Variants in FKBP8 observed in about 807,000 individuals in gnomAD.
FKBP8 encodes FKBP prolyl isomerase 8.
In FKBP8, 5 loss-of-function variants were observed where a neutral mutation model predicts 41.7. The ratio of observed to expected loss-of-function variants is 0.12; its 90% CI spans 0.06 to 0.25. FKBP8 has a LOEUF of 0.25. Ranked by LOEUF, FKBP8 falls within the 10% of genes least tolerant of loss-of-function variation. The pLI is 1.00. For missense variants in FKBP8, 397 were observed against 563.0 expected (o/e 0.71, Z 2.98); for synonymous variants, 279 against 254.5 (o/e 1.10, Z -0.92).
At position 18,539,473 on chromosome 19, in the gene FKBP8, G is replaced by A. The variant is rs1162087229; in HGVS notation, c.463-14C>T. On this transcript the variant is annotated splice_polypyrimidine_tract_variant and intron_variant, in intron 3 of 8. Coordinates refer to ENST00000608443, the MANE Select transcript of FKBP8 (RefSeq NM_012181.5). ...GAGATCCAGGGCCTGGGGTGTGTGGGGATAGCCAGCTGTCAGGCAGACTCA... is the reference window on the plus strand; with the variant it reads ...GAGATCCAGGGCCTGGGGTGTGTGGAGATAGCCAGCTGTCAGGCAGACTCA... 1.9e-6 allele frequency: 3 copies of A among 1,612,862 alleles called. No individual in the cohort carries two copies. Among genetic ancestry groups the A allele is most frequent in the South Asian group, 1.1e-5 (1 of 91,040 alleles).
intron 7 of FKBP8, 81 bp downstream of exon 7, chr19:18,533,189 C>T: frequency 6.8e-6 from 9 of 1,329,696 alleles, no homozygotes; most frequent in South Asian, 1.4e-5. Context: ...CAACAGAGAG[C>T]CACAGCAAGA....
rs1443382790 is a variant in FKBP8 at position 18,532,430 on chromosome 19, C to A, written c.1156-175G>T. 7.9e-6 allele frequency: 7 copies of A among 887,600 alleles called. No homozygotes were observed. In the East Asian group the frequency reaches 1.9e-4, roughly 24 times the overall value. 55.0% of individuals were successfully genotyped at this position (887,600 alleles called of 1,614,324 possible). On this transcript the variant is annotated intron_variant, in intron 8 of 8. Transcript: ENST00000608443. ...GCAAAACCCAAATCAAATGGCCCCT[C>A]CTCCAGGACACCGCCCCTCGTGCCC...
Position 18,539,635 on chromosome 19 carries a change from A to G in FKBP8, c.378T>C (p.His126=), listed in dbSNP as rs1402528932. 7 of 1,612,806 alleles carry G rather than the reference A, an allele frequency of 4.3e-6. No homozygotes were observed. Among genetic ancestry groups the G allele is most frequent in the Non-Finnish European group, 5.9e-6 (7 of 1,180,010 alleles). ...TGCCATTCTCCAGCGACGTCTGCAG[A>G]TGTACGGTGACCACCTGGCCCTTGA... ...RPVKGQVVTV[H]LQTSLENGTR... Residue 126 remains histidine, a synonymous_variant, in exon 3 of 9, where the codon CAT becomes CAC. Transcript: ENST00000608443.
chr19:18,537,535 AG>A lies in FKBP8; in HGVS notation c.945+65del. On this transcript the variant is annotated intron_variant, in intron 6 of 8. Coordinates refer to ENST00000608443, the MANE Select transcript of FKBP8 (RefSeq NM_012181.5). This position sits in a 1 kb window ranked among gnomAD's most constrained non-coding sequence, Gnocchi z 4.4. ...ATATACCTATGCCTTTCTCAAATGCAGGGTTGGGGACCACCCCGTATACCCC... is the reference window on the plus strand; with the variant it reads ...ATATACCTATGCCTTTCTCAAATGCAGGTTGGGGACCACCCCGTATACCCC... The A allele has an allele frequency of 6.9e-7, 1 of 1,439,096 alleles. No homozygotes were observed. Among genetic ancestry groups the A allele is most frequent in the South Asian group, 1.4e-5 (1 of 71,340 alleles). 89.1% of individuals were successfully genotyped at this position (1,439,096 alleles called of 1,614,324 possible).
chr19:18,539,393 A>G lies in FKBP8; in HGVS notation c.529T>C (p.Tyr177His). The G allele has an allele frequency of 6.2e-7, 1 of 1,613,406 alleles. No individual in the cohort carries two copies. Among genetic ancestry groups the G allele is most frequent in the Non-Finnish European group, 8.5e-7 (1 of 1,179,972 alleles). ...CACCTGCCTTGGGGGCCGTAGCAGT[A>G]CTTGGAGTCAGCAGTGACCATGGCC... ...ETAMVTADSK[Y>H]CYGPQGSRSP... Residue 177 changes from tyrosine to histidine, a missense_variant, in exon 4 of 9, where the codon TAC (tyrosine) becomes CAC (histidine). Tyr to His is a moderately conservative substitution (Grantham distance 83, BLOSUM62 2). Coordinates refer to ENST00000608443, the MANE Select transcript of FKBP8 (RefSeq NM_012181.5).
At position 18,539,584 on chromosome 19, in the gene FKBP8, C is replaced by T. The variant is rs1263284765; in HGVS notation, c.429G>A (p.Leu143=). Residue 143 remains leucine (L), a synonymous_variant, in exon 3 of 9, where the codon CTG becomes CTA. Coordinates refer to ENST00000608443, the MANE Select transcript of FKBP8 (RefSeq NM_012181.5). The part of the protein sequence containing the change: ...NGTRVQEEPE[L]VFTLGDCDVI... ...CGTCACAGTCACCCAGAGTGAACAC[C>T]AGCTCCGGCTCCTCCTGCACCCGTG... The T allele has an allele frequency of 4.3e-6, 7 of 1,613,160 alleles. No individual in the cohort carries two copies. Among genetic ancestry groups the T allele is most frequent in the Non-Finnish European group, 5.1e-6 (6 of 1,180,024 alleles).
At chr19:18,542,054 C>G in intron 1 of FKBP8, 59 bp from the exon 2 acceptor site, 1 of 1,540,422 alleles carries the variant, frequency 6.5e-7, no homozygotes. Flanking sequence ...AAAGTCTCCA[C>G]TGTACTGATT....
chr19:18,539,332 C>T, intron 4 of FKBP8, 39 bp downstream of exon 4: 1 of 1,568,422 alleles, frequency 6.4e-7, no homozygotes, highest in Non-Finnish European at 8.7e-7. Context: ...CCATCCCCCT[C>T]CTGAGACCTG....
At position 18,533,411 on chromosome 19, in the gene FKBP8, A is replaced by T. The variant is rs10420299; in HGVS notation, c.946-64T>A. 319 of 1,388,256 alleles carry T rather than the reference A, an allele frequency of 2.3e-4. 3 individuals carry two copies. The African/African-American group carries it at 3.9e-3, about 17-fold the overall frequency. The allele number at this position is 1,388,256 out of a possible 1,614,324, so 86.0% of individuals were successfully genotyped here. ...CCTGGGCCTGTCCTTCAAGAAATCC[A>T]GCCCAGGAGGTTGCAGTGAGCCAAG... On this transcript the variant is annotated intron_variant, in intron 6 of 8. Coordinates refer to ENST00000608443, the MANE Select transcript of FKBP8 (RefSeq NM_012181.5).
chr19:18,535,606 T>C (rs1976554672), intron 6 of FKBP8, among the ~76,000 whole-genome samples: 1 of 150,780 alleles, frequency 6.6e-6, no homozygotes, highest in African/African-American at 2.4e-5. Context: ...ACCCCGTCTA[T>C]ACTAAAAATA....
In FKBP8 at chr19:18,539,282, G is replaced by A. The variant is rs1319550183; in HGVS notation, c.551+89C>T. 7 of 1,170,506 alleles carry A rather than the reference G, an allele frequency of 6.0e-6. No homozygotes were observed. The African/African-American group carries it at 7.7e-5, about 13-fold the overall frequency. The allele number at this position is 1,170,506 out of a possible 1,614,324, so 72.5% of individuals were successfully genotyped here. A position where few individuals can be genotyped will look rare whatever the true frequency, so the allele number is the denominator to read the frequency against. On this transcript the variant is annotated intron_variant, in intron 4 of 8. Transcript: ENST00000608443. ...CCTCAGTTTCTTGTCTATAAAATGG[G>A]CAAGTAGATGGGGTGAGCCGAGGGG...
rs777928575 is a variant in FKBP8, at chr19:18,537,798, G to T, written c.773-25C>A. The T allele has an allele frequency of 6.3e-7, 1 of 1,585,148 alleles. No individual in the cohort carries two copies. Among genetic ancestry groups the T allele is most frequent in the South Asian group, 1.1e-5 (1 of 87,702 alleles). The stretch of plus-strand genomic sequence containing the variant: ...ACTATTGGGAGACAGTGCCCGCCAC[G>T]GCAGCCGTCACCATGCCACCAGACA... On this transcript the variant is annotated intron_variant, in intron 5 of 8. Coordinates refer to ENST00000608443, the MANE Select transcript of FKBP8 (RefSeq NM_012181.5). This position sits in a 1 kb window ranked among gnomAD's most constrained non-coding sequence, Gnocchi z 4.4.
In FKBP8 at chr19:18,532,753, C is replaced by T. The variant is rs1464064536; in HGVS notation, c.1066G>A (p.Ala356Thr). 4 of 1,614,024 alleles carry T rather than the reference C, an allele frequency of 2.5e-6. No individual in the cohort carries two copies. The highest frequency in any genetic ancestry group is 3.4e-6 in the Non-Finnish European group (4 of 1,180,056). ...AAGGCGGTCTCCGTGCTCCGCTGCGCCGCATGCTTCTTCACCAGCTTTGAG... is the reference window on the plus strand; with the variant it reads ...AAGGCGGTCTCCGTGCTCCGCTGCGTCGCATGCTTCTTCACCAGCTTTGAG... ...ELSKLVKKHA[A>T]QRSTETALYR... Residue 356 changes from alanine to threonine, a missense_variant, in exon 8 of 9, where the codon GCG becomes ACG. Transcript: ENST00000608443.
intron 1 of FKBP8, chr19:18,542,744 G>C (rs528701205): frequency 1.1e-4 from 48 of 420,122 alleles, no homozygotes; most frequent in African/African-American, 9.2e-4. Flanking sequence ...AGGAGTGGTC[G>C]AGGTCCCACC....
intron 3 of FKBP8, 37 bp downstream of exon 3, chr19:18,539,514 G>A (rs200669215): frequency 6.8e-6 from 11 of 1,610,544 alleles, no homozygotes; most frequent in East Asian, 2.2e-5. Context: ...AGCAAGGCAC[G>A]CCCCTCGCCC....
intron 2 of FKBP8, among the ~76,000 whole-genome samples, chr19:18,540,151 C>G (rs1046547090): frequency 1.3e-5 from 2 of 152,108 alleles, no homozygotes; most frequent in South Asian, 2.1e-4. Context: ...AACCAAAGCT[C>G]AGAGAGGACA....
In FKBP8 at chr19:18,531,912, C is replaced by G. The variant is rs540175404; in HGVS notation, c.*257G>C. 2 of 500,996 alleles carry G rather than the reference C, an allele frequency of 4.0e-6. No homozygotes were observed. Among genetic ancestry groups the G allele is most frequent in the African/African-American group, 3.9e-5 (2 of 50,738 alleles). The allele number at this position is 500,996 out of a possible 1,614,324, so 31.0% of individuals were successfully genotyped here. On this transcript the variant is annotated 3_prime_UTR_variant, in exon 9 of 9. Coordinates refer to ENST00000608443, the MANE Select transcript of FKBP8 (RefSeq NM_012181.5). ...GAGGAGAAACTGAGGCCAGCCCTGG[C>G]GGAGACCTAGCCCAGCGGGGTAAGG...
At chr19:18,532,465 C>T (rs1287118393) in intron 8 of FKBP8, 199 bp downstream of exon 8, 3 of 964,706 alleles carry the variant, frequency 3.1e-6, no homozygotes, top group Admixed American at 2.5e-5. Context: ...CTGGAAGAGG[C>T]TCCACAGTCC....
chr19:18,539,710 C>A lies in FKBP8; in HGVS notation c.303G>T (p.Leu101=). 6.2e-7 allele frequency: 1 copy of A among 1,607,696 alleles called. No homozygotes were observed. Among genetic ancestry groups the A allele is most frequent in the Non-Finnish European group, 8.5e-7 (1 of 1,179,986 alleles). Residue 101 remains leucine (L), a synonymous_variant, in exon 3 of 9, where the codon CTG becomes CTT. Coordinates refer to ENST00000608443, the MANE Select transcript of FKBP8 (RefSeq NM_012181.5). The part of the protein sequence containing the change: ...EEWLDILGNG[L]LRKKTLVPGP... The stretch of plus-strand genomic sequence containing the variant: ...CTGGGACCAGCGTCTTCTTCCTCAA[C>A]AGCCCGTTCCCTGCCAGGGTCCAGG...
Sources: allele counts gnomAD v4.1 joint callset (sites outside exome capture counted in the v4.1 genomes callset), GRCh38; gene constraint gnomAD v4.1.1; non-coding constraint Gnocchi (gnomAD v3.1); transcripts MANE v1.5; gene names NCBI Gene and HGNC (gene_info 2026-07-23, HGNC 2026-07-21).